The following FGF1 variants were observed in gnomAD, a reference collection of about 807,000 sequenced individuals.
FGF1 encodes beta-endothelial cell growth factor.
In FGF1, 9 loss-of-function variants were observed where a neutral mutation model predicts 13.4. That is an observed-to-expected ratio of 0.67 (90% CI 0.40 to 1.17). The LOEUF (loss-of-function observed/expected upper bound fraction) is 1.17. FGF1 is among the 50% of genes most tolerant of loss of function. The probability of loss-of-function intolerance (pLI) is 0.01; values close to 1 mark genes in which losing one functional copy is unlikely to be tolerated. For missense variants in FGF1, 156 were observed against 192.7 expected (o/e 0.81, Z 1.13); for synonymous variants, 93 against 79.0 (o/e 1.18, Z -0.94).
intron 1 of FGF1, among the ~76,000 whole-genome samples, chr5:142,635,379 A>G (rs1764083931): frequency 2.0e-5 from 3 of 152,270 alleles, no homozygotes; most frequent in Admixed American, 2.0e-4. Context: ...TCACCTTTCT[A>G]TTGTACCTGG....
chr5:142,667,846 G>A (rs1229864038), intron 1 of FGF1, among the ~76,000 whole-genome samples: 3 of 152,198 alleles, frequency 2.0e-5, no homozygotes, highest in African/African-American at 7.2e-5. Context: ...AAGGAATGGA[G>A]GAAGCGCCCT....
chr5:142,652,798 C>T (rs893227529), intron 1 of FGF1, among the ~76,000 whole-genome samples: 4 of 152,244 alleles, frequency 2.6e-5, no homozygotes, highest in African/African-American at 9.6e-5. Flanking sequence ...ATAGTGCACA[C>T]GTGTGTCCAC....
chr5:142,620,210 G>A (rs1761260378), intron 1 of FGF1, among the ~76,000 whole-genome samples: 1 of 152,170 alleles, frequency 6.6e-6, no homozygotes, highest in African/African-American at 2.4e-5. Flanking sequence ...GAGGTAAGGA[G>A]ATCGAGACCA....
chr5:142,595,822 C>G (rs577110926), intron 3 of FGF1, among the ~76,000 whole-genome samples: 1 of 152,168 alleles, frequency 6.6e-6, no homozygotes, highest in Non-Finnish European at 1.5e-5. Context: ...ACATTCTGCT[C>G]GACTGTAAGT....
At chr5:142,675,078 G>T (rs1046828256) in intron 1 of FGF1, among the ~76,000 whole-genome samples, 80 of 152,266 alleles carry the variant, frequency 5.3e-4, no homozygotes, top group African/African-American at 1.8e-3. Context: ...TCAATGGGTC[G>T]TTAGAAACAA....
intron 1 of FGF1, among the ~76,000 whole-genome samples, chr5:142,618,120 C>T (rs556766521): frequency 1.8e-4 from 27 of 152,164 alleles, no homozygotes; most frequent in Non-Finnish European, 3.5e-4. Context: ...CAGCGAACTC[C>T]GTGTCACCAT....
At position 142,623,838 on chromosome 5, in the gene FGF1, T is replaced by C. The variant is rs575252686; in HGVS notation, c.-34-9677A>G. On this transcript the variant is annotated intron_variant, in intron 1 of 3. Transcript: ENST00000337706. Reference sequence around the variant, plus strand: ...ACTCATGCTCACTGTAGCCTCAAATTCCTGGGCTCAAGCGATCCTCCCACC... The same window carrying C: ...ACTCATGCTCACTGTAGCCTCAAATCCCTGGGCTCAAGCGATCCTCCCACC... Among the ~76,000 whole-genome samples the C allele has an allele frequency of 1.5e-3, 229 of 151,370 alleles. 1 individual carries two copies. The highest frequency in any genetic ancestry group is 5.3e-3 in the African/African-American group (217 of 41,212).
intron 1 of FGF1, among the ~76,000 whole-genome samples, chr5:142,661,250 C>T (rs1443723910): frequency 6.6e-6 from 1 of 152,204 alleles, no homozygotes; most frequent in Non-Finnish European, 1.5e-5. Context: ...AAAAGATGCT[C>T]AACCCCATTT....
At chr5:142,680,570 G>A (rs1038720747) in intron 1 of FGF1, 1 of 152,072 alleles carries the variant, frequency 6.6e-6, no homozygotes, top group African/African-American at 2.4e-5. Context: ...GGGTAAAATA[G>A]TAATACCTCA....
intron 2 of FGF1, among the ~76,000 whole-genome samples, chr5:142,697,123 A>C (rs1753257246): frequency 6.6e-6 from 1 of 152,234 alleles, no homozygotes; most frequent in Non-Finnish European, 1.5e-5. Flanking sequence ...TATGTTTTGC[A>C]GGGCTCTAAG....
At chr5:142,672,134 G>A (rs1304072974) in intron 1 of FGF1, 2 of 152,108 alleles carry the variant, frequency 1.3e-5, no homozygotes, top group African/African-American at 2.4e-5. Flanking sequence ...AAATAGATAG[G>A]TAGATAAAGA....
chr5:142,600,952 G>GAA lies in FGF1; in HGVS notation c.170-149_170-148dup, dbSNP rs1395119903. On this transcript the variant is annotated intron_variant, in intron 2 of 3. Transcript: ENST00000337706. ...TGAGCCTCAGATTAATCAAAACATA[G>GAA]AAATACAGTCCCTTTTTCTTTGCCT... 3 of 640,546 alleles carry GAA rather than the reference G, an allele frequency of 4.7e-6. No individual in the cohort carries two copies. In the African/African-American group the frequency reaches 5.4e-5, roughly 12 times the overall value. 39.7% of individuals were successfully genotyped at this position (640,546 alleles called of 1,614,324 possible). A position where few individuals can be genotyped will look rare whatever the true frequency, so the allele number is the denominator to read the frequency against.
chr5:142,684,638 C>A (rs11167786), intron 1 of FGF1, among the ~76,000 whole-genome samples: 18 of 152,026 alleles, frequency 1.2e-4, no homozygotes, highest in Admixed American at 1.2e-3. Context: ...AGGGAATTTG[C>A]GACTGTGAAT....
chr5:142,618,888 C>G (rs1227862415), intron 1 of FGF1, among the ~76,000 whole-genome samples: 1 of 145,366 alleles, frequency 6.9e-6, no homozygotes, highest in African/African-American at 2.6e-5. Context: ...TGTTAAGAAT[C>G]AAAGGAAGGC....
At chr5:142,630,143 C>T (rs1214669654) in intron 1 of FGF1, among the ~76,000 whole-genome samples, 4 of 152,032 alleles carry the variant, frequency 2.6e-5, no homozygotes, top group African/African-American at 9.7e-5. Context: ...CTGCCCACCT[C>T]GGCCTCCCAA....
chr5:142,655,814 C>T (rs1187600727), intron 1 of FGF1, among the ~76,000 whole-genome samples: 4 of 152,198 alleles, frequency 2.6e-5, no homozygotes, highest in Non-Finnish European at 5.9e-5. Context: ...GAAAACCCGA[C>T]TTATCCTGTG....
rs17216811 is a variant in FGF1, at chr5:142,684,107, T to C, written c.-35+1850A>G. Reference sequence around the variant, plus strand: ...TTGCTTGAGATCCAAGAACCCTCTCTTGGGGTCTGGATCTCTTTCCTGTAA... The same window carrying C: ...TTGCTTGAGATCCAAGAACCCTCTCCTGGGGTCTGGATCTCTTTCCTGTAA... On this transcript the variant is annotated intron_variant, in intron 1 of 3. Transcript: ENST00000337706. 6.1e-3 allele frequency among the ~76,000 whole-genome samples: 936 copies of C among 152,314 alleles called. 8 individuals carry two copies. The highest frequency in any genetic ancestry group is 0.021 in the African/African-American group (858 of 41,558).
At chr5:142,695,026 T>C (rs1249636146) in intron 2 of FGF1, among the ~76,000 whole-genome samples, 2 of 152,178 alleles carry the variant, frequency 1.3e-5, no homozygotes, top group Non-Finnish European at 2.9e-5. Context: ...CTGATAGGTG[T>C]GTAAATGATT....
intron 1 of FGF1, among the ~76,000 whole-genome samples, chr5:142,628,266 G>T (rs1047924574): frequency 6.6e-5 from 10 of 152,166 alleles, no homozygotes; most frequent in Non-Finnish European, 1.2e-4. Context: ...ATCCCAGCAT[G>T]TTGAGAGGCC....
Sources: allele counts gnomAD v4.1 joint callset (sites outside exome capture counted in the v4.1 genomes callset), GRCh38; gene constraint gnomAD v4.1.1; transcripts MANE v1.5; gene names NCBI Gene and HGNC (gene_info 2026-07-23, HGNC 2026-07-21).